The following MROH7 variants were observed in gnomAD, a reference collection of about 807,000 sequenced individuals.
MROH7 encodes the protein maestro heat-like repeat-containing protein family member 7.
In MROH7, 113 loss-of-function variants were observed where a neutral mutation model predicts 129.2. That is an observed-to-expected ratio of 0.87 (90% CI 0.75 to 1.02). The LOEUF is 1.02. Ranked by LOEUF, MROH7 falls within the 50% of genes least tolerant of loss-of-function variation. The pLI, the probability that MROH7 is intolerant of heterozygous loss-of-function variation, is 0.00. For synonymous variants in MROH7, 655 were observed against 667.9 expected (o/e 0.98, Z 0.30); for missense variants, 1,601 against 1,671.3 (o/e 0.96, Z 0.73).
In MROH7 at chr1:54,691,786, C is replaced by CA. The variant is rs1199947432; in HGVS notation, c.2712-621dup. Among the ~76,000 whole-genome samples the CA allele has an allele frequency of 6.7e-4, 44 of 65,756 alleles. 2 individuals carry two copies. The highest frequency in any genetic ancestry group is 3.1e-3 in the South Asian group (7 of 2,274). 43.1% of individuals were successfully genotyped at this position (65,756 alleles called of 152,430 possible). The stretch of plus-strand genomic sequence containing the variant: ...GCACCATTGCACTCCAGCCTGGCGA[C>CA]AAAAAAAAAAAAAAAAAGTGTGTGT... On this transcript the variant is annotated intron_variant, in intron 15 of 23. Transcript: ENST00000421030.
At chr1:54,659,694 C>A (rs1361453084) in intron 3 of MROH7, among the ~76,000 whole-genome samples, 1 of 152,182 alleles carries the variant, frequency 6.6e-6, no homozygotes, top group Non-Finnish European at 1.5e-5. Flanking sequence ...CTCAGGTGAT[C>A]CACCTGCCTC....
Position 54,703,354 on chromosome 1 carries a change from A to G in MROH7, c.3564+609A>G, listed in dbSNP as rs546658627. On this transcript the variant is annotated intron_variant, in intron 21 of 23. Transcript: ENST00000421030. This position sits in a 1 kb window ranked among gnomAD's most constrained non-coding sequence, Gnocchi z 4.4. ...CACTGGCTCCTTTTCTACAACATCA[A>G]TTCCCAGAGTTGTATTACCTGCAAC... 1.3e-5 allele frequency among the ~76,000 whole-genome samples: 2 copies of G among 152,280 alleles called. No homozygotes were observed. Among genetic ancestry groups the G allele is most frequent in the East Asian group, 1.9e-4 (1 of 5,178 alleles).
intron 17 of MROH7, 171 bp from the exon 18 acceptor site, chr1:54,700,150 A>T (rs746199304): frequency 3.6e-6 from 3 of 837,644 alleles, no homozygotes; most frequent in Non-Finnish European, 2.0e-6. Context: ...GCTTTGCCAC[A>T]TGGTGCTGAT....
chr1:54,670,466 C>T, intron 5 of MROH7, 31 bp from the exon 6 acceptor site: 1 of 1,604,526 alleles, frequency 6.2e-7, no homozygotes, highest in Non-Finnish European at 8.5e-7. Context: ...TAGCCCTGTC[C>T]TCATCGGCCC....
intron 15 of MROH7, among the ~76,000 whole-genome samples, chr1:54,691,316 A>AG (rs1645234345): frequency 6.6e-6 from 1 of 152,198 alleles, no homozygotes; most frequent in Admixed American, 6.5e-5. Context: ...AAACATGAAA[A>AG]TGAAGGGCAA....
chr1:54,695,325 TCCCCCTGGGGCTGG>T, intron 16 of MROH7, 37 bp from the exon 17 acceptor site: 1 of 981,616 alleles, frequency 1.0e-6, no homozygotes, highest in Non-Finnish European at 1.6e-6. Flanking sequence ...CCCCCACAGG[TCCCCCTGGGGCTGG>T]ATACCTGAGG....
rs1214658467 is a variant in MROH7 at position 54,686,504 on chromosome 1, C to T, written c.2711+56C>T. ...GTCCCCGGTGGTGGGAAGGGCCATC[C>T]AGTCAGAGCCTCCAAAAGTCTCAGG... On this transcript the variant is annotated intron_variant, in intron 15 of 23. Coordinates refer to ENST00000421030, the MANE Select transcript of MROH7 (RefSeq NM_001039464.4). 2.6e-6 allele frequency: 4 copies of T among 1,515,494 alleles called. No homozygotes were observed. The African/African-American group carries it at 5.5e-5, about 21-fold the overall frequency. 93.9% of individuals were successfully genotyped at this position (1,515,494 alleles called of 1,614,324 possible).
chr1:54,688,873 G>C (rs72905817), intron 15 of MROH7, among the ~76,000 whole-genome samples: 1 of 152,150 alleles, frequency 6.6e-6, no homozygotes, highest in South Asian at 2.1e-4. Flanking sequence ...GTGATGAAAG[G>C]TATGACCTGC....
intron 13 of MROH7, among the ~76,000 whole-genome samples, chr1:54,681,217 C>G (rs927636959): frequency 2.0e-5 from 3 of 152,202 alleles, no homozygotes; most frequent in Non-Finnish European, 4.4e-5. Flanking sequence ...CTTTCCTTAT[C>G]CTAGTCTTGG....
Position 54,671,230 on chromosome 1 carries a change from A to T in MROH7, c.1599+301A>T, listed in dbSNP as rs529123808. Among the ~76,000 whole-genome samples the T allele has an allele frequency of 6.9e-4, 95 of 137,168 alleles. No individual in the cohort carries two copies. The South Asian group carries it at 0.021, about 30-fold the overall frequency. 90.0% of individuals were successfully genotyped at this position (137,168 alleles called of 152,430 possible). A position where few individuals can be genotyped will look rare whatever the true frequency, so the allele number is the denominator to read the frequency against. ...GTGAATCCCCGTCTCTACTGAAAAT[A>T]CAAAAAAAGAAAAAAAAAACTTAGC... On this transcript the variant is annotated intron_variant, in intron 7 of 23. Coordinates refer to ENST00000421030, the MANE Select transcript of MROH7 (RefSeq NM_001039464.4).
chr1:54,699,097 T>G (rs1393732364), intron 17 of MROH7: 384 of 34,630 alleles, frequency 0.011, 19 homozygotes, highest in African/African-American at 0.018. Flanking sequence ...CCTGGCCTTT[T>G]CTTTCTTTCT....
At chr1:54,690,676 C>A (rs1307594540) in intron 15 of MROH7, among the ~76,000 whole-genome samples, 1 of 152,124 alleles carries the variant, frequency 6.6e-6, no homozygotes, top group African/African-American at 2.4e-5. Context: ...ATCTCCTGAC[C>A]TCGTGATCCA....
chr1:54,681,468 A>C (rs1433063625), intron 13 of MROH7, among the ~76,000 whole-genome samples: 1 of 152,116 alleles, frequency 6.6e-6, no homozygotes, highest in Non-Finnish European at 1.5e-5. Flanking sequence ...CTTATAGTTA[A>C]TTTATAGTTC....
At chr1:54,680,770 GTTGT>G (rs1340368696) in intron 13 of MROH7, among the ~76,000 whole-genome samples, 1 of 152,226 alleles carries the variant, frequency 6.6e-6, no homozygotes, top group African/African-American at 2.4e-5. Flanking sequence ...CCTTCGGGTG[GTTGT>G]TTGAGAGCCA....
At chr1:54,691,803 A>AAAAGTGTGTGTGT (rs778263944) in intron 15 of MROH7, among the ~76,000 whole-genome samples, 1 of 104,188 alleles carries the variant, frequency 9.6e-6, no homozygotes, top group African/African-American at 3.9e-5. Context: ...AAAAAAAAAA[A>AAAAGTGTGTGTGT]GTGTGTGTGT....
intron 11 of MROH7, 47 bp downstream of exon 11, chr1:54,678,901 G>A (rs765990172): frequency 7.0e-7 from 1 of 1,435,762 alleles, no homozygotes; most frequent in Non-Finnish European, 9.8e-7. Flanking sequence ...GGGGTGAGGA[G>A]GGGCAGTGCC....
intron 3 of MROH7, among the ~76,000 whole-genome samples, chr1:54,655,015 ATTT>A (rs71045202): frequency 2.9e-5 from 4 of 136,374 alleles, no homozygotes; most frequent in Admixed American, 7.4e-5. Flanking sequence ...TGAGAATCCT[ATTT>A]TTTTTTTTTT....
At chr1:54,673,249 T>C in intron 8 of MROH7, 63 bp downstream of exon 8, 1 of 1,327,546 alleles carries the variant, frequency 7.5e-7, no homozygotes, top group Non-Finnish European at 1.1e-6. Context: ...GAGAAATTGG[T>C]GCAGGAGCAG....
rs770230580 is a variant in MROH7 at position 54,668,867 on chromosome 1, C to T, written c.1319C>T (p.Thr440Ile). 3.7e-6 allele frequency: 6 copies of T among 1,613,776 alleles called. No individual in the cohort carries two copies. The highest frequency in any genetic ancestry group is 1.7e-5 in the Admixed American group (1 of 59,976). Residue 440 changes from threonine (T) to isoleucine (I), a missense_variant, in exon 5 of 24, where the codon ACC (threonine) becomes ATC (isoleucine). Physicochemically the swap from Thr to Ile is moderately conservative, Grantham distance 89 (BLOSUM62 -1). Transcript: ENST00000421030. ...GCTGTCCCCTAGGTTGAGAATGTCACCACCCTTCAGAAGAGCCAGGATCTG... is the reference window on the plus strand; with the variant it reads ...GCTGTCCCCTAGGTTGAGAATGTCATCACCCTTCAGAAGAGCCAGGATCTG... ...GNNMALVENV[T>I]TLQKSQDLLE... is the part of the protein sequence containing the mutation.
Sources: allele counts gnomAD v4.1 joint callset (sites outside exome capture counted in the v4.1 genomes callset), GRCh38; gene constraint gnomAD v4.1.1; non-coding constraint Gnocchi (gnomAD v3.1); transcripts MANE v1.5; gene names NCBI Gene and HGNC (gene_info 2026-07-23, HGNC 2026-07-21).